Variants in SEC14L2 observed in about 807,000 individuals in gnomAD.
SEC14L2 encodes the protein SEC14 like lipid binding 2.
In SEC14L2, 50 loss-of-function variants were observed where a neutral mutation model predicts 56.9. That is an observed-to-expected ratio of 0.88 (90% confidence interval 0.70 to 1.11). SEC14L2 has a LOEUF of 1.11. Ranked by LOEUF, SEC14L2 falls within the 50% of genes most tolerant of loss-of-function variation. The probability of loss-of-function intolerance (pLI) is 0.00; values close to 1 mark genes in which losing one functional copy is unlikely to be tolerated. For synonymous variants in SEC14L2, 179 were observed against 188.5 expected, an observed-to-expected ratio of 0.95 and a Z score of 0.41; for missense variants, 414 against 500.7, an observed-to-expected ratio of 0.83 and a Z score of 1.65.
At chr22:30,413,903 A>G (rs1045452939) in intron 8 of SEC14L2, among the ~76,000 whole-genome samples, 3 of 151,698 alleles carry the variant, frequency 2.0e-5, no homozygotes, top group Non-Finnish European at 2.9e-5. Flanking sequence ...CAGTGGCGTG[A>G]TCACGGCTTA....
intron 8 of SEC14L2, among the ~76,000 whole-genome samples, chr22:30,412,374 T>G (rs982341403): frequency 4.0e-5 from 6 of 151,886 alleles, no homozygotes; most frequent in Non-Finnish European, 7.4e-5. Context: ...GGACCCCCTT[T>G]TTTTTTTTGA....
intron 2 of SEC14L2, among the ~76,000 whole-genome samples, chr22:30,404,030 GAA>G (rs5844905): frequency 2.3e-5 from 2 of 87,618 alleles, no homozygotes; most frequent in Non-Finnish European, 3.9e-5. Context: ...AAAAAAAAAA[GAA>G]AAAAAAAAAA....
Position 30,421,549 on chromosome 22 carries a change from C to T in SEC14L2, c.1082-728C>T, listed in dbSNP as rs533824646. On this transcript the variant is annotated intron_variant, in intron 11 of 11. Coordinates refer to ENST00000615189, the MANE Select transcript of SEC14L2 (RefSeq NM_012429.5). Reference sequence around the variant, plus strand: ...GTTGAAGCAATTCTCCTTTGATGAACATTTGAGTTTTCCCAATCTCTTATT... The same window carrying T: ...GTTGAAGCAATTCTCCTTTGATGAATATTTGAGTTTTCCCAATCTCTTATT... 7.9e-5 allele frequency: 12 copies of T among 152,324 alleles called. No individual in the cohort carries two copies. In the South Asian group the frequency reaches 2.5e-3, roughly 32 times the overall value. 9.4% of individuals were successfully genotyped at this position (152,324 alleles called of 1,614,324 possible).
intron 8 of SEC14L2, among the ~76,000 whole-genome samples, chr22:30,413,158 G>C (rs1934297556): frequency 6.6e-6 from 1 of 152,230 alleles, no homozygotes; most frequent in African/African-American, 2.4e-5. Context: ...TGCCTACGGA[G>C]GAACAGAGGC....
chr22:30,409,047 T>C, intron 5 of SEC14L2, 140 bp from the exon 6 acceptor site: 2 of 786,010 alleles, frequency 2.5e-6, no homozygotes, highest in Non-Finnish European at 4.5e-6. Context: ...GGTGATTATC[T>C]CAGTTTGGAA....
intron 11 of SEC14L2, chr22:30,416,663 G>A (rs1934399875): frequency 7.0e-7 from 1 of 1,425,768 alleles, no homozygotes; most frequent in Non-Finnish European, 9.1e-7. Flanking sequence ...CGATCACAGG[G>A]GTTCAACACG....
At chr22:30,407,651 T>G (rs754829117) in intron 5 of SEC14L2, 48 bp downstream of exon 5, 1 of 1,545,686 alleles carries the variant, frequency 6.5e-7, no homozygotes, top group Non-Finnish European at 8.9e-7. Flanking sequence ...AGCAGAGGCA[T>G]TCCAGCAGAA....
intron 11 of SEC14L2, chr22:30,416,634 GGTGA>G: frequency 6.9e-7 from 1 of 1,450,022 alleles, no homozygotes; most frequent in Non-Finnish European, 9.0e-7. Context: ...CCTAGGTATG[GGTGA>G]GTCACAGTCC....
intron 1 of SEC14L2, chr22:30,397,756 C>A: frequency 2.3e-6 from 1 of 433,178 alleles, no homozygotes; most frequent in South Asian, 1.7e-5. Flanking sequence ...CAGGCTCCCC[C>A]CATGAGGCAC....
chr22:30,409,043 T>C, intron 5 of SEC14L2, 144 bp from the exon 6 acceptor site: 1 of 769,878 alleles, frequency 1.3e-6, no homozygotes, highest in Non-Finnish European at 2.3e-6. Context: ...CTGGGGTGAT[T>C]ATCTCAGTTT....
At chr22:30,409,144 G>A in intron 5 of SEC14L2, 43 bp from the exon 6 acceptor site, 1 of 1,565,352 alleles carries the variant, frequency 6.4e-7, no homozygotes, top group South Asian at 1.1e-5. Flanking sequence ...GGCTTCTGAA[G>A]TAGGACAGCC....
intron 1 of SEC14L2, among the ~76,000 whole-genome samples, chr22:30,399,307 G>C (rs971721445): frequency 6.6e-6 from 1 of 152,056 alleles, no homozygotes; most frequent in African/African-American, 2.4e-5. Context: ...ACGAGGTCAG[G>C]AGATCAAGAC....
In SEC14L2 at chr22:30,399,631, C is replaced by T; in HGVS notation, c.55-12C>T. The T allele has an allele frequency of 6.2e-7, 1 of 1,610,412 alleles. No homozygotes were observed. The highest frequency in any genetic ancestry group is 8.5e-7 in the Non-Finnish European group (1 of 1,177,702). ...CGGGCCCTACCACTCACCCCGATGC[C>T]TCTCCCTACAGTTTCGGGAGAATGT... On this transcript the variant is annotated splice_polypyrimidine_tract_variant and intron_variant, in intron 1 of 11. Transcript: ENST00000615189.
chr22:30,409,524 A>T (rs1934192909), intron 7 of SEC14L2, 38 bp downstream of exon 7: 2 of 1,585,096 alleles, frequency 1.3e-6, no homozygotes, highest in African/African-American at 2.7e-5. Flanking sequence ...CCAGATGGAA[A>T]AGAGGGGTCA....
At chr22:30,416,146 G>C in intron 10 of SEC14L2, 59 bp downstream of exon 10, 8 of 1,610,270 alleles carry the variant, frequency 5.0e-6, no homozygotes, top group South Asian at 1.1e-5. Flanking sequence ...CTGATAGGTG[G>C]GCTGGAATAG....
intron 2 of SEC14L2, among the ~76,000 whole-genome samples, chr22:30,403,665 A>C (rs992564574): frequency 4.6e-5 from 7 of 152,148 alleles, no homozygotes; most frequent in Admixed American, 1.3e-4. Flanking sequence ...GAGCCTCCCC[A>C]AGATAAGGGG....
At chr22:30,402,775 C>T (rs772433100) in intron 2 of SEC14L2, among the ~76,000 whole-genome samples, 2 of 151,482 alleles carry the variant, frequency 1.3e-5, no homozygotes, top group Non-Finnish European at 2.9e-5. Flanking sequence ...AACCCAAAAC[C>T]CAAAAAACAA....
At chr22:30,405,673 A>T (rs1430325898) in intron 2 of SEC14L2, among the ~76,000 whole-genome samples, 2 of 151,790 alleles carry the variant, frequency 1.3e-5, no homozygotes, top group Non-Finnish European at 1.5e-5. Context: ...AGCTATATTC[A>T]TCTTTGTTTT....
chr22:30,423,136 C>A lies in SEC14L2; in HGVS notation c.*729C>A, dbSNP rs531505358. On this transcript the variant is annotated 3_prime_UTR_variant, in exon 12 of 12. Transcript: ENST00000615189. ...AACAAAGCGCCAGGGAAATGACCCA[C>A]AGGGATCGCAGCTGCAGGGAGGGCC... 6.5e-6 allele frequency: 1 copy of A among 153,042 alleles called. No homozygotes were observed. The allele number at this position is 153,042 out of a possible 1,614,324, so 9.5% of individuals were successfully genotyped here. A position where few individuals can be genotyped will look rare whatever the true frequency, so the allele number is the denominator to read the frequency against.
Sources: gnomAD v4.1 joint callset for allele counts (sites outside exome capture counted in the v4.1 genomes callset) on GRCh38, gnomAD v4.1.1 for gene constraint, MANE v1.5 for transcripts, NCBI Gene and HGNC (gene_info 2026-07-23, HGNC 2026-07-21) for gene names.